Variants in PARD3B observed in about 807,000 individuals in gnomAD.
PARD3B encodes partitioning defective 3 homolog B.
PARD3B carries 103 observed loss-of-function variants against 130.2 expected under a neutral mutation model. The observed-to-expected ratio is 0.79, with a 90% CI of 0.67 to 0.93. The LOEUF is 0.93. Among genes scored for constraint, PARD3B ranks in the 40% least tolerant of loss-of-function variants. PARD3B has a pLI of 0.00. For missense variants in PARD3B, 1,609 were observed against 1,499.2 expected (o/e 1.07, Z -1.21); for synonymous variants, 583 against 553.2 (o/e 1.05, Z -0.76).
chr2:205,140,835 G>C (rs1238962275), intron 10 of PARD3B, among the ~76,000 whole-genome samples: 1 of 152,088 alleles, frequency 6.6e-6, no homozygotes, highest in Admixed American at 6.5e-5. Flanking sequence ...GGTAGGCTGA[G>C]ATTTTCTTCT....
rs1005873691 is a variant in PARD3B, at chr2:205,116,502, G to A, written c.681-2419G>A. Among the ~76,000 whole-genome samples, 7 of 152,156 alleles carry A rather than the reference G, an allele frequency of 4.6e-5. No homozygotes were observed. The highest frequency in any genetic ancestry group is 1.7e-4 in the African/African-American group (7 of 41,450). ...ACCCCTCTAATTCTGTGAGGCTGTG[G>A]ATTTCAGCATCCTTTATCACTGTTC... On this transcript the variant is annotated intron_variant, in intron 6 of 22. Transcript: ENST00000406610. The surrounding 1 kb of genome is among the most constrained non-coding windows in gnomAD (Gnocchi z 4.5).
intron 3 of PARD3B, among the ~76,000 whole-genome samples, chr2:204,982,260 G>C (rs546869484): frequency 6.6e-6 from 1 of 152,274 alleles, no homozygotes; most frequent in East Asian, 1.9e-4. Context: ...ATCTTGAAAA[G>C]ATAAATCATT....
intron 3 of PARD3B, among the ~76,000 whole-genome samples, chr2:205,028,438 A>G (rs866899542): frequency 2.0e-5 from 3 of 152,188 alleles, no homozygotes; most frequent in African/African-American, 4.8e-5. Context: ...TAGGTATAGA[A>G]TGAATTTATC....
chr2:204,997,450 A>C (rs1694327806), intron 3 of PARD3B, among the ~76,000 whole-genome samples: 1 of 152,176 alleles, frequency 6.6e-6, no homozygotes, highest in Admixed American at 6.5e-5. Flanking sequence ...TCTCTTCATA[A>C]AGTTTTTGTA....
At chr2:205,399,711 A>T (rs910577504) in intron 18 of PARD3B, among the ~76,000 whole-genome samples, 2 of 152,148 alleles carry the variant, frequency 1.3e-5, no homozygotes, top group African/African-American at 2.4e-5. Flanking sequence ...AGTACAAAAC[A>T]TATATGGTAT....
chr2:204,716,623 C>CTTT (rs35183526), intron 2 of PARD3B, among the ~76,000 whole-genome samples: 1 of 98,116 alleles, frequency 1.0e-5, no homozygotes. Flanking sequence ...ACAGCAACTG[C>CTTT]TTTTTTTTTT....
intron 19 of PARD3B, among the ~76,000 whole-genome samples, chr2:205,435,519 CTT>C (rs1216270902): frequency 1.3e-5 from 2 of 151,724 alleles, no homozygotes; most frequent in African/African-American, 4.8e-5. Context: ...ACTGCTATCT[CTT>C]TTTTATTTTC....
Position 205,581,285 on chromosome 2 carries a change from TATAG to T in PARD3B, c.3260+27890_3260+27893del, listed in dbSNP as rs1360755780. On this transcript the variant is annotated intron_variant, in intron 22 of 22. Coordinates refer to ENST00000406610, the MANE Select transcript of PARD3B (RefSeq NM_001302769.2). ...AGATATAGATAGATAGATATAGATA[TATAG>T]ATAGATATAGATAGATAGATAGATC... Among the ~76,000 whole-genome samples the T allele has an allele frequency of 4.1e-3, 327 of 79,658 alleles. 1 individual carries two copies. The highest frequency in any genetic ancestry group is 0.013 in the African/African-American group (306 of 24,478). 52.3% of individuals were successfully genotyped at this position (79,658 alleles called of 152,430 possible). A position where few individuals can be genotyped will look rare whatever the true frequency, so the allele number is the denominator to read the frequency against.
intron 15 of PARD3B, among the ~76,000 whole-genome samples, chr2:205,210,969 C>T (rs1405414606): frequency 6.6e-6 from 1 of 152,042 alleles, no homozygotes; most frequent in African/African-American, 2.4e-5. Flanking sequence ...ACTTTGCTTT[C>T]ATTTAAATGT....
chr2:204,939,004 G>A (rs1213471101), intron 2 of PARD3B, among the ~76,000 whole-genome samples: 2 of 152,280 alleles, frequency 1.3e-5, no homozygotes, highest in African/African-American at 4.8e-5. Flanking sequence ...TATTTATATG[G>A]CTGGATGGCA....
At chr2:205,534,395 T>C (rs2051743874) in intron 21 of PARD3B, among the ~76,000 whole-genome samples, 1 of 150,394 alleles carries the variant, frequency 6.6e-6, no homozygotes, top group East Asian at 2.0e-4. Context: ...GAGAGGAGAG[T>C]GAGTGAGAAG....
intron 18 of PARD3B, among the ~76,000 whole-genome samples, chr2:205,384,950 A>G (rs1466029664): frequency 5.9e-5 from 9 of 152,086 alleles, no homozygotes; most frequent in Non-Finnish European, 5.9e-5. Context: ...TCACTAGACT[A>G]TAAATTCCTT....
intron 2 of PARD3B, among the ~76,000 whole-genome samples, chr2:204,850,498 A>ATGTATATATATATAGATATATG (rs1553539512): frequency 8.6e-5 from 13 of 151,884 alleles, no homozygotes; most frequent in African/African-American, 3.1e-4. Flanking sequence ...ATATAGATAT[A>ATGTATATATATATAGATATATG]TGTATATATA....
At chr2:205,214,674 A>G (rs976807119) in intron 15 of PARD3B, among the ~76,000 whole-genome samples, 1 of 152,084 alleles carries the variant, frequency 6.6e-6, no homozygotes, top group Non-Finnish European at 1.5e-5. Flanking sequence ...TGCAAGTACA[A>G]TCTATTTACT....
At chr2:205,471,079 T>C (rs966922785) in intron 20 of PARD3B, among the ~76,000 whole-genome samples, 3 of 152,192 alleles carry the variant, frequency 2.0e-5, no homozygotes, top group African/African-American at 7.2e-5. Flanking sequence ...GTTGGTCAGC[T>C]GTGTCTTTTT....
chr2:205,255,337 C>G (rs1478427782), intron 16 of PARD3B, among the ~76,000 whole-genome samples: 1 of 152,150 alleles, frequency 6.6e-6, no homozygotes, highest in Non-Finnish European at 1.5e-5. Flanking sequence ...TCTATTCTCA[C>G]ACATACAACA....
intron 3 of PARD3B, among the ~76,000 whole-genome samples, chr2:204,988,099 GT>G (rs1693332701): frequency 6.6e-6 from 1 of 152,114 alleles, no homozygotes. Context: ...CCTTGGAGAA[GT>G]TCTGGAGAGA....
intron 1 of PARD3B, among the ~76,000 whole-genome samples, chr2:204,582,004 G>GTAT (rs1559168204): frequency 6.6e-6 from 1 of 152,152 alleles, no homozygotes; most frequent in Non-Finnish European, 1.5e-5. Context: ...ACTGTGATGT[G>GTAT]TATTAATGGT....
chr2:205,323,337 C>G (rs1184445480), intron 18 of PARD3B, among the ~76,000 whole-genome samples: 1 of 152,158 alleles, frequency 6.6e-6, no homozygotes, highest in Non-Finnish European at 1.5e-5. Context: ...AAGACAATGT[C>G]TAGAAAACAA....
Sources: allele counts gnomAD v4.1 joint callset (sites outside exome capture counted in the v4.1 genomes callset), GRCh38; gene constraint gnomAD v4.1.1; non-coding constraint Gnocchi (gnomAD v3.1); transcripts MANE v1.5; gene names NCBI Gene and HGNC (gene_info 2026-07-23, HGNC 2026-07-21).